Variants in BNIP2 observed in about 807,000 individuals in gnomAD.
BNIP2 encodes BCL2 interacting protein 2.
BNIP2 carries 36 observed loss-of-function variants against 43.4 expected under a neutral mutation model. The observed-to-expected ratio is 0.83, with a 90% CI of 0.64 to 1.10. BNIP2 has a LOEUF of 1.10. Ranked by LOEUF, BNIP2 falls within the 50% of genes least tolerant of loss-of-function variation. The pLI is 0.00. For synonymous variants in BNIP2, 146 were observed against 121.0 expected (o/e 1.21, Z -1.35); for missense variants, 417 against 374.1 (o/e 1.11, Z -0.95).
At chr15:59,688,158 A>C (rs6151443) in intron 1 of BNIP2, among the ~76,000 whole-genome samples, 13,236 of 152,282 alleles carry the variant, frequency 0.087, 923 homozygotes, top group East Asian at 0.26. Flanking sequence ...AATAGAGTTT[A>C]GAGAAAATGT....
intron 1 of BNIP2, among the ~76,000 whole-genome samples, chr15:59,682,941 T>C (rs1406452690): frequency 6.6e-6 from 1 of 152,204 alleles, no homozygotes; most frequent in Non-Finnish European, 1.5e-5. Context: ...CAATAATATT[T>C]AAACTCATGA....
In BNIP2 at chr15:59,659,644, G is replaced by A. The variant is rs535921306; in HGVS notation, c.*4425C>T. ...ATACAAAAAGTGCAGTGTAGAAGCT[G>A]ATGAATGTTATTTTCCAAGTTCCTC... is the stretch of plus-strand genomic sequence containing the variant. On this transcript the variant is annotated 3_prime_UTR_variant, in exon 10 of 10. Coordinates refer to ENST00000607373, the MANE Select transcript of BNIP2 (RefSeq NM_004330.4). 1 of 152,186 alleles carries A rather than the reference G, an allele frequency of 6.6e-6. No homozygotes were observed. The highest frequency in any genetic ancestry group is 6.5e-5 in the Admixed American group (1 of 15,284). 9.4% of individuals were successfully genotyped at this position (152,186 alleles called of 1,614,324 possible).
Position 59,679,657 on chromosome 15 carries a change from C to T in BNIP2, c.230G>A (p.Ser77Asn), listed in dbSNP as rs151020713. 1 of 1,613,272 alleles carries T rather than the reference C, an allele frequency of 6.2e-7. No individual in the cohort carries two copies. The highest frequency in any genetic ancestry group is 8.5e-7 in the Non-Finnish European group (1 of 1,179,564). Residue 77 changes from serine to asparagine, a missense_variant, in exon 4 of 10, where the codon AGT becomes AAT. Physicochemically the swap from Ser to Asn is conservative, Grantham distance 46 (BLOSUM62 1). Transcript: ENST00000607373. ...TAAGCCATCTAAGTCAATCTCCCCA[C>T]TTTCATCCAAATCATCTGACAATAC... Reference protein sequence around the residue: ...GSVLSDDLDESGEIDLDGLDT... With the variant: ...GSVLSDDLDENGEIDLDGLDT...
chr15:59,680,121 T>C (rs1304928258), intron 3 of BNIP2, 120 bp downstream of exon 3: 5 of 831,576 alleles, frequency 6.0e-6, no homozygotes, highest in Non-Finnish European at 5.3e-6. Context: ...GTTCAACTTA[T>C]ACTTTGACTT....
At chr15:59,676,747 T>A in intron 5 of BNIP2, 1 of 1,379,002 alleles carries the variant, frequency 7.3e-7, no homozygotes, top group Non-Finnish European at 1.0e-6. Context: ...GGCGGCAGAG[T>A]TGGGGTGTCA....
At chr15:59,670,783 G>T (rs1892849722) in intron 7 of BNIP2, among the ~76,000 whole-genome samples, 1 of 151,994 alleles carries the variant, frequency 6.6e-6, no homozygotes, top group East Asian at 1.9e-4. Context: ...TTTTAAAATA[G>T]CAACAGAAGG....
In BNIP2 at chr15:59,666,945, T is replaced by A. The variant is rs1225976856; in HGVS notation, c.893+1947A>T. Among the ~76,000 whole-genome samples, 10 of 152,326 alleles carry A rather than the reference T, an allele frequency of 6.6e-5. 1 individual carries two copies. The highest frequency in any genetic ancestry group is 1.7e-4 in the African/African-American group (7 of 41,578). ...ACTTAACAGTATTAAAAACTTTTTT[T>A]AAAAAGGCTTAATACAGCATATTTT... is the stretch of plus-strand genomic sequence containing the variant. On this transcript the variant is annotated intron_variant, in intron 9 of 9. Coordinates refer to ENST00000607373, the MANE Select transcript of BNIP2 (RefSeq NM_004330.4).
intron 4 of BNIP2, chr15:59,679,381 G>GA: frequency 2.4e-6 from 1 of 423,670 alleles, no homozygotes; most frequent in East Asian, 4.2e-5. Flanking sequence ...AAACAGCTAT[G>GA]AAAAAAACAT....
chr15:59,676,146 G>A (rs1325495858), intron 5 of BNIP2, among the ~76,000 whole-genome samples: 10 of 151,954 alleles, frequency 6.6e-5, no homozygotes, highest in African/African-American at 2.4e-4. Flanking sequence ...CCCAGTTTTG[G>A]GTAGCCTAGA....
At position 59,686,469 on chromosome 15, in the gene BNIP2, G is replaced by C. The variant is rs540137609; in HGVS notation, c.-58+2666C>G. Among the ~76,000 whole-genome samples, 6 of 152,264 alleles carry C rather than the reference G, an allele frequency of 3.9e-5. No individual in the cohort carries two copies. In the South Asian group the frequency reaches 1.2e-3, roughly 32 times the overall value. On this transcript the variant is annotated intron_variant, in intron 1 of 9. Transcript: ENST00000607373. ...TTTTACTATATGCAGTTTAATACTG[G>C]TGCTGCAATAGGTGCCAGTAATGAC...
In BNIP2 at chr15:59,669,357, C is replaced by A; in HGVS notation, c.713G>T (p.Arg238Leu). ...AATGATTAGGGATTTTAGATTTTTC[C>A]GTAACCTGGAGTTTAAAAAAAAAAC... ...KCYQQIDRRLRKNLKSLIIVH... is the reference protein window; with the variant it reads ...KCYQQIDRRLLKNLKSLIIVH... Residue 238 changes from arginine (R) to leucine (L), a missense_variant, in exon 8 of 10, where the codon CGG becomes CTG. Transcript: ENST00000607373. The A allele has an allele frequency of 6.6e-7, 1 of 1,510,348 alleles. No individual in the cohort carries two copies. The highest frequency in any genetic ancestry group is 8.8e-7 in the Non-Finnish European group (1 of 1,132,284). 93.6% of individuals were successfully genotyped at this position (1,510,348 alleles called of 1,614,324 possible).
At chr15:59,674,805 G>A (rs1893163989) in intron 5 of BNIP2, among the ~76,000 whole-genome samples, 1 of 152,136 alleles carries the variant, frequency 6.6e-6, no homozygotes, top group South Asian at 2.1e-4. Flanking sequence ...TTCTATATAT[G>A]GTACTGTTAG....
At chr15:59,676,851 G>T in intron 5 of BNIP2, 1 of 1,570,428 alleles carries the variant, frequency 6.4e-7, no homozygotes, top group South Asian at 1.2e-5. Flanking sequence ...TTCTGCCTCA[G>T]CTGCCCTGGG....
At position 59,664,130 on chromosome 15, in the gene BNIP2, G is replaced by A. The variant is rs1225037112; in HGVS notation, c.894-10C>T. On this transcript the variant is annotated splice_polypyrimidine_tract_variant and intron_variant, in intron 9 of 9. Transcript: ENST00000607373. ...AAGTTCTTGATCAACTCTGTTTAAT[G>A]AAGAATATATAAAATAAGAAACCAG... 1.0e-5 allele frequency: 15 copies of A among 1,502,016 alleles called. No homozygotes were observed. The highest frequency in any genetic ancestry group is 1.3e-5 in the Non-Finnish European group (14 of 1,111,782). 93.0% of individuals were successfully genotyped at this position (1,502,016 alleles called of 1,614,324 possible). A position where few individuals can be genotyped will look rare whatever the true frequency, so the allele number is the denominator to read the frequency against.
At position 59,671,206 on chromosome 15, in the gene BNIP2, T is replaced by C. The variant is rs1892883235; in HGVS notation, c.684A>G (p.Lys228=). ...ACCTTCTATCAATTTGCTGATAACA[T>C]TTCCTGAGCCATCCCAGACTGGGCA... ...RKMPSLGWLR[K]CYQQIDRRLR... The change falls in exon 7 of 10, where the codon AAA becomes AAG. Residue 228 remains lysine (K), a synonymous_variant. Coordinates refer to ENST00000607373, the MANE Select transcript of BNIP2 (RefSeq NM_004330.4). The C allele has an allele frequency of 1.2e-6, 2 of 1,600,226 alleles. No homozygotes were observed. Among genetic ancestry groups the C allele is most frequent in the East Asian group, 4.5e-5 (2 of 44,642 alleles).
intron 4 of BNIP2, chr15:59,678,802 G>C (rs1354219054): frequency 7.7e-7 from 1 of 1,303,136 alleles, no homozygotes; most frequent in Non-Finnish European, 1.0e-6. Context: ...CCAAGACAAA[G>C]CTGTTAACGG....
intron 1 of BNIP2, among the ~76,000 whole-genome samples, chr15:59,685,707 T>G (rs904521197): frequency 1.3e-5 from 2 of 152,130 alleles, no homozygotes; most frequent in Admixed American, 6.6e-5. Flanking sequence ...GGGAGAGAGA[T>G]ATAGATAGAT....
intron 1 of BNIP2, chr15:59,688,782 T>C (rs1894189031): frequency 2.0e-6 from 3 of 1,535,570 alleles, no homozygotes; most frequent in Non-Finnish European, 2.6e-6. Context: ...TGGTCATAAA[T>C]ACTGAACCAT....
chr15:59,672,231 T>A (rs1249213235), intron 6 of BNIP2: 1 of 154,918 alleles, frequency 6.5e-6, no homozygotes, highest in African/African-American at 2.4e-5. Flanking sequence ...ACTTTTACTT[T>A]AACCTTCATT....
Sources: allele counts gnomAD v4.1 joint callset (sites outside exome capture counted in the v4.1 genomes callset), GRCh38; gene constraint gnomAD v4.1.1; transcripts MANE v1.5; gene names NCBI Gene and HGNC (gene_info 2026-07-23, HGNC 2026-07-21).